The following MYT1L variants were observed in gnomAD, a reference collection of about 807,000 sequenced individuals.
MYT1L encodes the protein myelin transcription factor 1 like.
MYT1L carries 12 observed loss-of-function variants against 126.7 expected under a neutral mutation model. The observed-to-expected ratio is 0.09, with a 90% CI of 0.06 to 0.15. MYT1L has a LOEUF of 0.15. Among genes scored for constraint, MYT1L ranks in the 10% least tolerant of loss-of-function variants. The pLI, the probability that MYT1L is intolerant of heterozygous loss-of-function variation, is 1.00. For missense variants in MYT1L, 979 were observed against 1,585.2 expected (o/e 0.62, Z 6.49); for synonymous variants, 541 against 604.2 (o/e 0.90, Z 1.53).
intron 2 of MYT1L, among the ~76,000 whole-genome samples, chr2:2,216,838 G>A (rs1216652598): frequency 6.6e-6 from 1 of 151,944 alleles, no homozygotes; most frequent in African/African-American, 2.4e-5. Context: ...GAGTAAGAGA[G>A]AAAATGTCAA....
At chr2:2,145,923 A>G (rs975277116) in intron 3 of MYT1L, among the ~76,000 whole-genome samples, 9 of 152,188 alleles carry the variant, frequency 5.9e-5, no homozygotes, top group South Asian at 2.1e-4. Flanking sequence ...TGTTCAGAGG[A>G]CTTCTATCCT....
At chr2:2,170,071 C>A (rs1183221379) in intron 3 of MYT1L, among the ~76,000 whole-genome samples, 3 of 152,218 alleles carry the variant, frequency 2.0e-5, no homozygotes, top group South Asian at 4.1e-4. Context: ...TTTGTGGAAG[C>A]TTCTGCTAGC....
At chr2:2,253,640 A>C (rs2094719183) in intron 2 of MYT1L, among the ~76,000 whole-genome samples, 1 of 152,134 alleles carries the variant, frequency 6.6e-6, no homozygotes. Context: ...CTCCCAGTTC[A>C]TGTGCAGGAA....
At chr2:1,822,747 G>C (rs2038732336) in intron 21 of MYT1L, among the ~76,000 whole-genome samples, 1 of 149,302 alleles carries the variant, frequency 6.7e-6, no homozygotes, top group South Asian at 2.1e-4. Flanking sequence ...ACCGCCTCAT[G>C]GCTGCTGCTG....
At chr2:1,998,345 A>T (rs2062048656) in intron 4 of MYT1L, among the ~76,000 whole-genome samples, 1 of 152,204 alleles carries the variant, frequency 6.6e-6, no homozygotes, top group South Asian at 2.1e-4. Flanking sequence ...TGCACTTTCT[A>T]TGCAATTCCT....
chr2:2,151,367 A>G (rs1286541337), intron 3 of MYT1L, among the ~76,000 whole-genome samples: 2 of 152,084 alleles, frequency 1.3e-5, no homozygotes, highest in Non-Finnish European at 1.5e-5. Context: ...TTAGAAGAAA[A>G]ACAGCTGGGG....
intron 8 of MYT1L, among the ~76,000 whole-genome samples, chr2:1,944,905 C>CA (rs2057055239): frequency 2.0e-5 from 3 of 152,158 alleles, no homozygotes. Flanking sequence ...GTCCTGTACA[C>CA]AGAGGGCAGG....
At chr2:1,945,870 ACTT>A (rs1356202553) in intron 8 of MYT1L, among the ~76,000 whole-genome samples, 2 of 152,184 alleles carry the variant, frequency 1.3e-5, no homozygotes, top group Non-Finnish European at 2.9e-5. Context: ...TTCTATCAAT[ACTT>A]CTAAAACGAT....
rs2048295801 is a variant in MYT1L, at chr2:1,887,393, C to T, written c.2642+95G>A. ...TTATATGCTGCGAATGTCGCATGCT[C>T]AAACGGCAAGGCATATACAGATCCA... On this transcript the variant is annotated intron_variant, in intron 17 of 24. Transcript: ENST00000647738. The surrounding 1 kb of genome is among the most constrained non-coding windows in gnomAD (Gnocchi z 4.8). 6.5e-7 allele frequency: 1 copy of T among 1,531,062 alleles called. No individual in the cohort carries two copies. The highest frequency in any genetic ancestry group is 1.4e-5 in the African/African-American group (1 of 72,978). 94.8% of individuals were successfully genotyped at this position (1,531,062 alleles called of 1,614,324 possible). A position where few individuals can be genotyped will look rare whatever the true frequency, so the allele number is the denominator to read the frequency against.
intron 9 of MYT1L, among the ~76,000 whole-genome samples, chr2:1,934,260 A>C (rs2055487641): frequency 6.8e-6 from 1 of 147,922 alleles, no homozygotes; most frequent in Non-Finnish European, 1.5e-5. Context: ...GGCGTGGGCC[A>C]CAGCCCCCCG....
At chr2:2,077,063 A>C (rs1051641424) in intron 3 of MYT1L, among the ~76,000 whole-genome samples, 1 of 152,192 alleles carries the variant, frequency 6.6e-6, no homozygotes, top group Non-Finnish European at 1.5e-5. Flanking sequence ...TGAAATAAAA[A>C]GTACATTAGA....
At chr2:2,278,489 C>A (rs2095400436) in intron 2 of MYT1L, among the ~76,000 whole-genome samples, 1 of 152,172 alleles carries the variant, frequency 6.6e-6, no homozygotes, top group Non-Finnish European at 1.5e-5. Context: ...CCATCAGTTA[C>A]AAAAATGTGA....
At chr2:1,850,438 G>A (rs982706273) in intron 19 of MYT1L, among the ~76,000 whole-genome samples, 1 of 151,958 alleles carries the variant, frequency 6.6e-6, no homozygotes, top group Non-Finnish European at 1.5e-5. Flanking sequence ...ACTTTAAATC[G>A]GTCTTATTTC....
intron 22 of MYT1L, among the ~76,000 whole-genome samples, chr2:1,805,898 G>A (rs2035622560): frequency 1.3e-5 from 2 of 152,092 alleles, no homozygotes; most frequent in Admixed American, 1.3e-4. Context: ...AAAAGAGAGG[G>A]ATTGTCTTTT....
chr2:2,094,082 T>C (rs934133943), intron 3 of MYT1L, among the ~76,000 whole-genome samples: 3 of 152,236 alleles, frequency 2.0e-5, no homozygotes, highest in African/African-American at 7.2e-5. Flanking sequence ...CATACTGTTT[T>C]GGTTACTGTA....
At chr2:2,311,799 G>A (rs1016886939) in intron 1 of MYT1L, among the ~76,000 whole-genome samples, 12 of 152,144 alleles carry the variant, frequency 7.9e-5, no homozygotes, top group African/African-American at 1.9e-4. Flanking sequence ...TTTGGCCTAC[G>A]GTGACTTGAA....
At chr2:2,318,801 T>G (rs555342607) in intron 1 of MYT1L, among the ~76,000 whole-genome samples, 1 of 152,332 alleles carries the variant, frequency 6.6e-6, no homozygotes, top group South Asian at 2.1e-4. Context: ...CAACCAACCC[T>G]TCTCACTTTA....
intron 3 of MYT1L, among the ~76,000 whole-genome samples, chr2:2,167,304 T>C (rs994947089): frequency 6.6e-6 from 1 of 152,140 alleles, no homozygotes; most frequent in African/African-American, 2.4e-5. Context: ...TTCTCCTCTG[T>C]TGGACGCAAT....
At chr2:2,042,150 C>G (rs1289548124) in intron 4 of MYT1L, among the ~76,000 whole-genome samples, 1 of 152,150 alleles carries the variant, frequency 6.6e-6, no homozygotes, top group Non-Finnish European at 1.5e-5. Context: ...GAGGATGAAC[C>G]CCAGATGCTC....
Sources: gnomAD v4.1 joint callset for allele counts (sites outside exome capture counted in the v4.1 genomes callset) on GRCh38, gnomAD v4.1.1 for gene constraint, Gnocchi (gnomAD v3.1) non-coding constraint, MANE v1.5 for transcripts, NCBI Gene and HGNC (gene_info 2026-07-23, HGNC 2026-07-21) for gene names.